Variants in COL18A1 observed in about 807,000 individuals in gnomAD.
COL18A1 encodes the protein collagen type XVIII alpha 1 chain, also known as collagen alpha-1(XVIII) chain.
COL18A1 carries 133 observed loss-of-function variants against 168.0 expected under a neutral mutation model. That is an observed-to-expected ratio of 0.79 (90% confidence interval 0.69 to 0.91). The LOEUF (loss-of-function observed/expected upper bound fraction) is 0.91, where lower values mean the gene tolerates loss of function less well. Ranked by LOEUF, COL18A1 falls within the 40% of genes least tolerant of loss-of-function variation. The pLI, the probability that COL18A1 is intolerant of heterozygous loss-of-function variation, is 0.00. For missense variants in COL18A1, 2,126 were observed against 1,925.4 expected, an observed-to-expected ratio of 1.10 and a Z score of -1.95; for synonymous variants, 949 against 809.0, an observed-to-expected ratio of 1.17 and a Z score of -2.94.
At position 45,491,258 on chromosome 21, in the gene COL18A1, G is replaced by A; in HGVS notation, c.2101G>A (p.Gly701Ser). The change falls in exon 22 of 42, where the codon GGC (glycine) becomes AGC (serine). Residue 701 changes from glycine to serine, a missense_variant. Gly to Ser is a moderately conservative substitution (Grantham distance 56). Coordinates refer to ENST00000651438, the MANE Select transcript of COL18A1 (RefSeq NM_001379500.1). ...DPGKDGVGQP[G>S]LPGPPGPPGP... ...AGGGAAGGACGGAGTCGGGCAGCCG[G>A]GCCTCCCTGGCCCCCCCGGACCCCC... is the stretch of plus-strand genomic sequence containing the variant. The A allele has an allele frequency of 6.2e-7, 1 of 1,612,476 alleles. No individual in the cohort carries two copies. The highest frequency in any genetic ancestry group is 8.5e-7 in the Non-Finnish European group (1 of 1,179,774).
chr21:45,431,573 G>A (rs2033965003), intron 2 of COL18A1, among the ~76,000 whole-genome samples: 2 of 151,438 alleles, frequency 1.3e-5, no homozygotes, highest in African/African-American at 2.4e-5. Flanking sequence ...AGGACCAGGC[G>A]GCCCTGGGGG....
At chr21:45,449,578 C>G (rs2145835704) in intron 2 of COL18A1, among the ~76,000 whole-genome samples, 1 of 152,238 alleles carries the variant, frequency 6.6e-6, no homozygotes, top group Middle Eastern at 3.4e-3. Flanking sequence ...TTATGGGGCA[C>G]CCTGAGCACT....
intron 15 of COL18A1, 112 bp downstream of exon 15, chr21:45,482,933 C>A: frequency 6.6e-7 from 1 of 1,505,096 alleles, no homozygotes; most frequent in South Asian, 1.1e-5. Flanking sequence ...TCTCTTGGGG[C>A]TGGCCTTGAC....
intron 18 of COL18A1, among the ~76,000 whole-genome samples, 194 bp from the exon 19 acceptor site, chr21:45,489,292 T>C (rs975592022): frequency 6.6e-6 from 1 of 152,118 alleles, no homozygotes; most frequent in African/African-American, 2.4e-5. Context: ...CCCGGCCGGG[T>C]GCCTTCAGCC....
In COL18A1 at chr21:45,456,740, G is replaced by A. The variant is rs141363853; in HGVS notation, c.107-11502G>A. The A allele has an allele frequency of 7.5e-3, 10,969 of 1,459,578 alleles. 47 individuals carry two copies. Among genetic ancestry groups the A allele is most frequent in the Non-Finnish European group, 9.2e-3 (9,989 of 1,086,578 alleles). 90.4% of individuals were successfully genotyped at this position (1,459,578 alleles called of 1,614,324 possible). On this transcript the variant is annotated intron_variant, in intron 2 of 41. Coordinates refer to ENST00000651438, the MANE Select transcript of COL18A1 (RefSeq NM_001379500.1). ...CCCATGCGGCAGCGTCCCGCCGCCC[G>A]CCCCGCCACCCTGCTGCCAGTTCTG...
At chr21:45,510,408 C>A in intron 40 of COL18A1, 147 bp downstream of exon 40, 3 of 935,976 alleles carry the variant, frequency 3.2e-6, no homozygotes, top group South Asian at 2.9e-5. Flanking sequence ...TCAGGGCAGG[C>A]TCCGGGTGGG....
At position 45,488,422 on chromosome 21, in the gene COL18A1, C is replaced by A; in HGVS notation, c.1901C>A (p.Pro634His). Residue 634 changes from proline to histidine, a missense_variant, in exon 18 of 42, where the codon CCT (proline) becomes CAT (histidine). Physicochemically the swap from Pro to His is moderately conservative, Grantham distance 77. Transcript: ENST00000651438. Reference protein sequence around the residue: ...TARSADGPQGPPGLPGLKGDP... With the variant: ...TARSADGPQGHPGLPGLKGDP... ...GTGTCTCCTCTGCCCTGACAGGGAC[C>A]TCCCGGCCTGCCGGGACTTAAGGTC... The A allele has an allele frequency of 6.2e-7, 1 of 1,613,908 alleles. No homozygotes were observed. The highest frequency in any genetic ancestry group is 8.5e-7 in the Non-Finnish European group (1 of 1,180,014).
chr21:45,421,453 C>T, intron 2 of COL18A1: 1 of 534,578 alleles, frequency 1.9e-6, no homozygotes, highest in Non-Finnish European at 3.8e-6. Flanking sequence ...CAGTGACAGC[C>T]CTGGCGTCTC....
chr21:45,498,483 A>G lies in COL18A1; in HGVS notation c.2683+822A>G, dbSNP rs1396990242. The G allele has an allele frequency of 2.8e-6, 2 of 713,436 alleles. No individual in the cohort carries two copies. The allele number at this position is 713,436 out of a possible 1,614,324, so 44.2% of individuals were successfully genotyped here. A position where few individuals can be genotyped will look rare whatever the true frequency, so the allele number is the denominator to read the frequency against. Reference sequence around the variant, plus strand: ...GCCGCCACGGTCCCCGCTCGCCGCCAGGGTCCCCTCTCGCTGCCAGGGTCC... The same window carrying G: ...GCCGCCACGGTCCCCGCTCGCCGCCGGGGTCCCCTCTCGCTGCCAGGGTCC... On this transcript the variant is annotated intron_variant, in intron 32 of 41. Coordinates refer to ENST00000651438, the MANE Select transcript of COL18A1 (RefSeq NM_001379500.1). This position sits in a 1 kb window ranked among gnomAD's most constrained non-coding sequence, Gnocchi z 4.5.
rs1602653739 is a variant in COL18A1 at position 45,510,316 on chromosome 21, G to A, written c.3693+55G>A. ...CTCCTCGGCCCCCACTTGACCTCTG[G>A]GGTGAACTCCCAGCGGGGAGCTCCC... On this transcript the variant is annotated intron_variant, in intron 40 of 41. Transcript: ENST00000651438. 1.2e-5 allele frequency: 18 copies of A among 1,537,292 alleles called. No individual in the cohort carries two copies. The East Asian group carries it at 4.4e-4, about 37-fold the overall frequency.
chr21:45,479,421 C>T (rs1466610442), intron 9 of COL18A1, among the ~76,000 whole-genome samples: 2 of 151,806 alleles, frequency 1.3e-5, no homozygotes, highest in Non-Finnish European at 2.9e-5. Context: ...ACACATCACA[C>T]GTGGACACAT....
In COL18A1 at chr21:45,447,018, G is replaced by A. The variant is rs569336779; in HGVS notation, c.107-21224G>A. On this transcript the variant is annotated intron_variant, in intron 2 of 41. Coordinates refer to ENST00000651438, the MANE Select transcript of COL18A1 (RefSeq NM_001379500.1). Reference sequence around the variant, plus strand: ...AGAGCCCACAGCTGACACCGTGCTTGTGGTGGAGGAGCGAATGCTTTCCTC... The same window carrying A: ...AGAGCCCACAGCTGACACCGTGCTTATGGTGGAGGAGCGAATGCTTTCCTC... Among the ~76,000 whole-genome samples, 16 of 152,320 alleles carry A rather than the reference G, an allele frequency of 1.1e-4. No homozygotes were observed. The South Asian group carries it at 3.3e-3, about 32-fold the overall frequency.
intron 2 of COL18A1, 99 bp downstream of exon 2, chr21:45,405,572 G>T: frequency 1.5e-5 from 11 of 730,372 alleles, no homozygotes; most frequent in Non-Finnish European, 2.0e-5. Context: ...CGCCCCGGCC[G>T]CTCTGGGTTC....
intron 2 of COL18A1, among the ~76,000 whole-genome samples, chr21:45,406,721 CAAAGG>C (rs1215140864): frequency 6.6e-6 from 1 of 152,056 alleles, no homozygotes; most frequent in East Asian, 1.9e-4. Context: ...CGCACAGGGA[CAAAGG>C]AAAGGAAAGA....
Position 45,456,653 on chromosome 21 carries a change from G to T in COL18A1, c.107-11589G>T, listed in dbSNP as rs746765524. ...GCGGGCCGGGGCACGGGCGTGGGGGGGCCTGCTGCAGACGCACTGCCACCC... is the reference window on the plus strand; with the variant it reads ...GCGGGCCGGGGCACGGGCGTGGGGGTGCCTGCTGCAGACGCACTGCCACCC... On this transcript the variant is annotated intron_variant, in intron 2 of 41. Transcript: ENST00000651438. The T allele has an allele frequency of 5.9e-6, 9 of 1,535,344 alleles. No individual in the cohort carries two copies. The South Asian group carries it at 1.1e-4, about 18-fold the overall frequency.
intron 2 of COL18A1, among the ~76,000 whole-genome samples, chr21:45,447,536 A>G (rs377623418): frequency 5.3e-5 from 8 of 152,334 alleles, no homozygotes; most frequent in African/African-American, 9.6e-5. Flanking sequence ...ATGGAAAGTT[A>G]TCCCATGTTT....
chr21:45,427,186 A>T (rs373130833), intron 2 of COL18A1, among the ~76,000 whole-genome samples: 2 of 152,168 alleles, frequency 1.3e-5, no homozygotes, highest in African/African-American at 4.8e-5. Flanking sequence ...GGCTGGGCCC[A>T]GCTTTCTGTT....
chr21:45,408,955 C>T (rs1404233282), intron 2 of COL18A1, among the ~76,000 whole-genome samples: 4 of 152,220 alleles, frequency 2.6e-5, no homozygotes, highest in African/African-American at 9.6e-5. Context: ...GAGGGTGTGC[C>T]AGCCAACTGG....
chr21:45,421,346 A>G, intron 2 of COL18A1: 1 of 513,812 alleles, frequency 1.9e-6, no homozygotes, highest in Non-Finnish European at 4.0e-6. Flanking sequence ...GACTCCCAGA[A>G]CCACAGGCCT....
Sources: gnomAD v4.1 joint callset for allele counts (sites outside exome capture counted in the v4.1 genomes callset) on GRCh38, gnomAD v4.1.1 for gene constraint, Gnocchi (gnomAD v3.1) non-coding constraint, MANE v1.5 for transcripts, NCBI Gene and HGNC (gene_info 2026-07-23, HGNC 2026-07-21) for gene names.